DCAF8L2: variants seen among roughly 807,000 people sequenced by gnomAD.
DCAF8L2 encodes the protein DDB1 and CUL4 associated factor 8 like 2.
For synonymous variants in DCAF8L2, 200 were observed against 190.9 expected, an observed-to-expected ratio of 1.05 and a Z score of -0.39; for missense variants, 430 against 490.7, an observed-to-expected ratio of 0.88 and a Z score of 1.17.
At chrX:27,684,537 C>T (rs1007877844) in intron 3 of DCAF8L2, among the ~76,000 whole-genome samples, 1 of 111,537 alleles carries the variant, frequency 9.0e-6, no homozygotes, top group Admixed American at 9.6e-5. Context: ...AGTCCAGAGA[C>T]TGATAGCATA....
intron 2 of DCAF8L2, among the ~76,000 whole-genome samples, chrX:27,664,138 T>C (rs2147215837): frequency 9.0e-6 from 1 of 111,185 alleles, no homozygotes; most frequent in African/African-American, 3.3e-5. Flanking sequence ...TTTCAAAAGC[T>C]GAGATAGGCC....
At chrX:27,605,495 C>A (rs919249640) in intron 1 of DCAF8L2, among the ~76,000 whole-genome samples, 3 of 110,998 alleles carry the variant, frequency 2.7e-5, no homozygotes, top group Non-Finnish European at 5.7e-5. Flanking sequence ...ACTTTGGCAA[C>A]ACTGAAGCAC....
At chrX:27,519,153 A>AGAAAAG in the DCAF8L2 span, 1 of 1,148,401 alleles carries the variant, frequency 8.7e-7, no homozygotes. Context: ...GAGAAATAGC[A>AGAAAAG]GAAAAGGAAA....
At chrX:27,529,807 T>C in the DCAF8L2 span, among the ~76,000 whole-genome samples, 1 of 111,836 alleles carries the variant, frequency 8.9e-6, no homozygotes, top group Admixed American at 9.6e-5. Flanking sequence ...ACAATAAAGA[T>C]TGTGATACAA....
rs221376 is a variant in DCAF8L2, at chrX:27,591,038, A to T, written c.-342+598A>T. ...ATAAATAAATAATTTGATAGGTTAC[A>T]TTACATTTTATAAAATACTTTATCA... On this transcript the variant is annotated intron_variant, in intron 1 of 4. Transcript: ENST00000451261. 1.5e-3 allele frequency among the ~76,000 whole-genome samples: 137 copies of T among 93,331 alleles called. 2 individuals carry two copies. The highest frequency in any genetic ancestry group is 2.5e-3 in the Non-Finnish European group (115 of 46,508). The allele number at this position is 93,331 out of a possible 115,157, so 81.0% of individuals were successfully genotyped here.
chrX:27,725,038 T>C (rs1932024269), intron 4 of DCAF8L2, among the ~76,000 whole-genome samples: 1 of 111,384 alleles, frequency 9.0e-6, no homozygotes, highest in Non-Finnish European at 1.9e-5. Context: ...ATGAGACTCA[T>C]ATCAAGTATT....
At chrX:27,480,781 C>A in the DCAF8L2 span, among the ~76,000 whole-genome samples, 2 of 111,636 alleles carry the variant, frequency 1.8e-5, no homozygotes, top group Non-Finnish European at 3.8e-5. Context: ...TATTACATTT[C>A]TTCTGTTGAC....
the DCAF8L2 span, among the ~76,000 whole-genome samples, chrX:27,492,722 C>T: frequency 4.7e-3 from 527 of 111,217 alleles, 2 homozygotes; most frequent in Middle Eastern, 9.4e-3. Context: ...CTCAGGTGAT[C>T]CACCCGCCTC....
Position 27,747,516 on chromosome X carries a change from G to C in DCAF8L2, c.621G>C (p.Glu207Asp), listed in dbSNP as rs1922306337. 1 of 1,179,038 alleles carries C rather than the reference G, an allele frequency of 8.5e-7. No homozygotes were observed. Among genetic ancestry groups the C allele is most frequent in the Non-Finnish European group, 1.1e-6 (1 of 878,901 alleles). The change falls in exon 5 of 5, where the codon GAG (glutamate) becomes GAC (aspartate). Residue 207 changes from glutamate (E) to aspartate (D), a missense_variant. By Grantham distance (45) the Glu-to-Asp change is conservative. Coordinates refer to ENST00000451261, the MANE Select transcript of DCAF8L2 (RefSeq NM_001353450.2). ...GTTCACGTCCCCGCTTTGTATATGA[G>C]GCCTGTGGGGCAAGAGCCTTTGTGC... ...QLGSRPRFVY[E>D]ACGARAFVQR... is the part of the protein sequence containing the mutation.
chrX:27,505,983 G>A, the DCAF8L2 span, among the ~76,000 whole-genome samples: 1 of 111,826 alleles, frequency 8.9e-6, no homozygotes, highest in African/African-American at 3.2e-5. Context: ...ATATGCTCTG[G>A]TCAGGACCAC....
At chrX:27,654,018 AT>A (rs1223973072) in intron 2 of DCAF8L2, among the ~76,000 whole-genome samples, 1 of 111,209 alleles carries the variant, frequency 9.0e-6, no homozygotes, top group Non-Finnish European at 1.9e-5. Flanking sequence ...TTTCTTCTCC[AT>A]CCCTTAAAGC....
At chrX:27,500,633 C>T in the DCAF8L2 span, among the ~76,000 whole-genome samples, 17 of 111,719 alleles carry the variant, frequency 1.5e-4, no homozygotes, top group South Asian at 1.1e-3. Flanking sequence ...TGGGCTAAAA[C>T]GTTTATTAAA....
At chrX:27,708,701 A>G (rs1010034788) in intron 3 of DCAF8L2, among the ~76,000 whole-genome samples, 4 of 112,288 alleles carry the variant, frequency 3.6e-5, no homozygotes, top group African/African-American at 1.3e-4. Context: ...TTGCTACAGA[A>G]GAATTTTCAG....
intron 3 of DCAF8L2, among the ~76,000 whole-genome samples, chrX:27,701,041 T>G (rs955284219): frequency 9.9e-5 from 11 of 111,278 alleles, no homozygotes. Flanking sequence ...ATTCTCAATT[T>G]CTCATCCTGC....
At chrX:27,720,343 T>C (rs1013201970) in intron 4 of DCAF8L2, among the ~76,000 whole-genome samples, 9 of 111,466 alleles carry the variant, frequency 8.1e-5, no homozygotes, top group Middle Eastern at 4.7e-3. Flanking sequence ...TTTTCAAAGC[T>C]ATTTCAGCTA....
chrX:27,663,616 A>G (rs1360696693), intron 2 of DCAF8L2, among the ~76,000 whole-genome samples: 2 of 110,819 alleles, frequency 1.8e-5, no homozygotes, highest in East Asian at 2.8e-4. Flanking sequence ...ATCCACTGAT[A>G]GCTTTTCCCC....
the DCAF8L2 span, among the ~76,000 whole-genome samples, chrX:27,514,680 AAAAAAAAAAAAAAAAC>A: frequency 8.0e-4 from 69 of 86,354 alleles, no homozygotes; most frequent in African/African-American, 3.2e-3. Flanking sequence ...AAAAAAAAAA[AAAAAAAAAAAAAAAAC>A]AAAAAAAAAA....
At chrX:27,613,490 T>C (rs1485968441) in intron 1 of DCAF8L2, among the ~76,000 whole-genome samples, 2 of 111,386 alleles carry the variant, frequency 1.8e-5, no homozygotes, top group Non-Finnish European at 3.8e-5. Context: ...AACACTATGT[T>C]GAATAGGAGT....
intron 4 of DCAF8L2, among the ~76,000 whole-genome samples, chrX:27,720,017 A>G (rs1365105746): frequency 5.4e-5 from 6 of 110,811 alleles, no homozygotes; most frequent in African/African-American, 2.0e-4. Flanking sequence ...GTGGTTTTGT[A>G]TCTTTATCTT....
Sources: allele counts gnomAD v4.1 joint callset (sites outside exome capture counted in the v4.1 genomes callset), GRCh38; gene constraint gnomAD v4.1.1; transcripts MANE v1.5; gene names NCBI Gene and HGNC (gene_info 2026-07-23, HGNC 2026-07-21).